The following CATSPERG variants were observed in gnomAD, a reference collection of about 807,000 sequenced individuals.
The protein encoded by CATSPERG is cation channel sperm-associated auxiliary subunit gamma.
In CATSPERG, 115 loss-of-function variants were observed where a neutral mutation model predicts 145.0. The ratio of observed to expected loss-of-function variants is 0.79; its 90% CI spans 0.68 to 0.93. The LOEUF (loss-of-function observed/expected upper bound fraction) is 0.93, where lower values mean the gene tolerates loss of function less well. Ranked by LOEUF, CATSPERG falls within the 40% of genes least tolerant of loss-of-function variation. CATSPERG has a pLI of 0.00. For synonymous variants in CATSPERG, 588 were observed against 589.0 expected (o/e 1.00, Z 0.02); for missense variants, 1,296 against 1,490.1 (o/e 0.87, Z 2.14).
chr19:38,338,262 C>T (rs574766404), intron 3 of CATSPERG, among the ~76,000 whole-genome samples: 96 of 152,268 alleles, frequency 6.3e-4, no homozygotes, highest in African/African-American at 2.2e-3. Flanking sequence ...CATTCTCCTG[C>T]CTCAGCCTCC....
At chr19:38,353,026 TCAAAA>T (rs1410359674) in intron 8 of CATSPERG, among the ~76,000 whole-genome samples, 1 of 73,938 alleles carries the variant, frequency 1.4e-5, no homozygotes, top group African/African-American at 5.1e-5. Context: ...AGACCCTGTT[TCAAAA>T]AAAAAAAAAA....
intron 26 of CATSPERG, among the ~76,000 whole-genome samples, chr19:38,368,756 G>A (rs534435484): frequency 1.6e-4 from 25 of 152,268 alleles, no homozygotes; most frequent in African/African-American, 5.8e-4. Flanking sequence ...TCTGCCTCCT[G>A]GGTTCAAGCA....
Position 38,343,987 on chromosome 19 carries a change from C to G in CATSPERG, c.470-6C>G, listed in dbSNP as rs538661583. 3.2e-6 allele frequency: 5 copies of G among 1,549,642 alleles called. No homozygotes were observed. The African/African-American group carries it at 6.9e-5, about 21-fold the overall frequency. On this transcript the variant is annotated splice_polypyrimidine_tract_variant and splice_region_variant and intron_variant, in intron 4 of 28. Coordinates refer to ENST00000409235, the MANE Select transcript of CATSPERG (RefSeq NM_021185.5). The stretch of plus-strand genomic sequence containing the variant: ...AGCAGTTTCAGTGCCCAGGGCCTCC[C>G]TGCAGAGCCATGCATGGCAGAAGAA...
chr19:38,367,785 C>T lies in CATSPERG; in HGVS notation c.2930+9C>T, dbSNP rs544554429. 5.0e-6 allele frequency: 8 copies of T among 1,612,404 alleles called. No individual in the cohort carries two copies. The African/African-American group carries it at 6.7e-5, about 13-fold the overall frequency. ...AACAGCCCCCTGGACAAGTAATCCC[C>T]GTGGGGTCCCACGTGTAATCCACCT... On this transcript the variant is annotated intron_variant, in intron 25 of 28. Coordinates refer to ENST00000409235, the MANE Select transcript of CATSPERG (RefSeq NM_021185.5).
At chr19:38,356,982 C>A in intron 11 of CATSPERG, 121 bp downstream of exon 11, 1 of 1,308,384 alleles carries the variant, frequency 7.6e-7, no homozygotes, top group Non-Finnish European at 1.1e-6. Context: ...ACCTGTGTCA[C>A]TCCTGGTTGA....
At chr19:38,350,132 T>C (rs945256848) in intron 7 of CATSPERG, among the ~76,000 whole-genome samples, 1 of 152,138 alleles carries the variant, frequency 6.6e-6, no homozygotes, top group Non-Finnish European at 1.5e-5. Flanking sequence ...AAACTTCACT[T>C]CCACTGACAT....
At position 38,356,789 on chromosome 19, in the gene CATSPERG, A is replaced by G. The variant is rs1970251540; in HGVS notation, c.1243A>G (p.Thr415Ala). The G allele has an allele frequency of 2.5e-6, 4 of 1,613,946 alleles. No individual in the cohort carries two copies. The highest frequency in any genetic ancestry group is 3.4e-6 in the Non-Finnish European group (4 of 1,180,016). ...IWSEYIAGEY[T>A]LLLLVESGYG... ...GTCTGAATACATCGCGGGTGAGTAT[A>G]CTCTACTGCTGCTGGTGGAGAGTGG... The change falls in exon 11 of 29, where the codon ACT (threonine) becomes GCT (alanine). Residue 415 changes from threonine (T) to alanine (A), a missense_variant. Transcript: ENST00000409235.
intron 24 of CATSPERG, 45 bp from the exon 25 acceptor site, chr19:38,367,636 C>G: frequency 6.2e-7 from 1 of 1,611,550 alleles, no homozygotes; most frequent in Admixed American, 1.7e-5. Context: ...GGGTGCAGGA[C>G]TCGAGACCCG....
At chr19:38,343,949 A>G in intron 4 of CATSPERG, 44 bp from the exon 5 acceptor site, 2 of 1,544,620 alleles carry the variant, frequency 1.3e-6, no homozygotes, top group Non-Finnish European at 1.7e-6. Context: ...GGAACCGGCC[A>G]TTGGGAGGCC....
chr19:38,338,048 C>T (rs1018657958), intron 3 of CATSPERG, among the ~76,000 whole-genome samples: 1 of 152,002 alleles, frequency 6.6e-6, no homozygotes, highest in Non-Finnish European at 1.5e-5. Context: ...ACCATCCAAC[C>T]CTGGTGGCTT....
chr19:38,353,039 A>G (rs1398684503), intron 8 of CATSPERG, among the ~76,000 whole-genome samples: 1 of 147,442 alleles, frequency 6.8e-6, no homozygotes, highest in East Asian at 2.0e-4. Flanking sequence ...AAAAAAAAAA[A>G]AAAAAAAAAA....
rs143803097 is a variant in CATSPERG at position 38,369,703 on chromosome 19, A to G, written c.3021-269A>G. ...AATAAGGATTTGGCATATGATAGAT[A>G]CACAGCCTGTAATCTGGATGGATGC... On this transcript the variant is annotated intron_variant, in intron 26 of 28. Coordinates refer to ENST00000409235, the MANE Select transcript of CATSPERG (RefSeq NM_021185.5). 7 of 517,762 alleles carry G rather than the reference A, an allele frequency of 1.4e-5. 1 individual carries two copies. The highest frequency in any genetic ancestry group is 6.2e-5 in the South Asian group (3 of 48,532). The allele number at this position is 517,762 out of a possible 1,614,324, so 32.1% of individuals were successfully genotyped here. A position where few individuals can be genotyped will look rare whatever the true frequency, so the allele number is the denominator to read the frequency against.
chr19:38,353,364 TGAAAAA>T (rs1040812180), intron 8 of CATSPERG, among the ~76,000 whole-genome samples: 20 of 148,600 alleles, frequency 1.3e-4, no homozygotes, highest in African/African-American at 5.0e-4. Flanking sequence ...GCGAGAGAGA[TGAAAAA>T]GAGAGACTAT....
chr19:38,369,284 A>C (rs540079507), intron 26 of CATSPERG, among the ~76,000 whole-genome samples: 2 of 152,108 alleles, frequency 1.3e-5, no homozygotes, highest in East Asian at 3.9e-4. Context: ...TTTTTGAGAC[A>C]GAGTCTTGCT....
At chr19:38,348,070 G>A (rs1464041975) in intron 7 of CATSPERG, among the ~76,000 whole-genome samples, 1 of 152,118 alleles carries the variant, frequency 6.6e-6, no homozygotes. Context: ...CTGCTTATGT[G>A]GAATTTGTTC....
chr19:38,356,918 C>CT, intron 11 of CATSPERG, 57 bp downstream of exon 11: 1 of 1,598,894 alleles, frequency 6.3e-7, no homozygotes, highest in South Asian at 1.1e-5. Flanking sequence ...AGACTGTGGA[C>CT]TGCATGCCCA....
chr19:38,368,168 C>G (rs1970488141), intron 26 of CATSPERG, 31 bp downstream of exon 26: 1 of 1,594,780 alleles, frequency 6.3e-7, no homozygotes, highest in African/African-American at 1.3e-5. Context: ...CTCTTGGCCC[C>G]CATCTGTCGG....
intron 7 of CATSPERG, among the ~76,000 whole-genome samples, chr19:38,349,826 G>A (rs1970106670): frequency 6.6e-6 from 1 of 151,902 alleles, no homozygotes; most frequent in Non-Finnish European, 1.5e-5. Flanking sequence ...CACCACACCT[G>A]GCTGATTTTT....
Position 38,346,513 on chromosome 19 carries a change from G to A in CATSPERG, c.733G>A (p.Asp245Asn), listed in dbSNP as rs758453597. 4.8e-5 allele frequency: 74 copies of A among 1,551,598 alleles called. No individual in the cohort carries two copies. The Middle Eastern group carries it at 8.3e-4, about 17-fold the overall frequency. The stretch of plus-strand genomic sequence containing the variant: ...ATCGAGGCCCTTGTGGCACACTGTG[G>A]ACCAGTCACCTGTGCTTATCCTGGG... ...VSSRPLWHTV[D>N]QSPVLILGGI... Residue 245 changes from aspartate to asparagine, a missense_variant, in exon 7 of 29, where the codon GAC (aspartate) becomes AAC (asparagine). Coordinates refer to ENST00000409235, the MANE Select transcript of CATSPERG (RefSeq NM_021185.5).
Sources: gnomAD v4.1 joint callset for allele counts (sites outside exome capture counted in the v4.1 genomes callset) on GRCh38, gnomAD v4.1.1 for gene constraint, MANE v1.5 for transcripts, NCBI Gene and HGNC (gene_info 2026-07-23, HGNC 2026-07-21) for gene names.